Variants in KLHL13 observed in about 807,000 individuals in gnomAD.
The protein encoded by KLHL13 is kelch like family member 13.
Under a neutral mutation model 37.1 loss-of-function variants are expected in KLHL13, and 10 were observed. That is an observed-to-expected ratio of 0.27 (90% confidence interval 0.17 to 0.46). The LOEUF (loss-of-function observed/expected upper bound fraction) is 0.46. KLHL13 is among the 20% of genes least tolerant of loss of function. The pLI, the probability that KLHL13 is intolerant of heterozygous loss-of-function variation, is 1.00. For missense variants in KLHL13, 360 were observed against 509.3 expected (o/e 0.71, Z 2.82); for synonymous variants, 163 against 181.2 (o/e 0.90, Z 0.81).
At chrX:117,902,960 G>A (rs1930196680) in intron 5 of KLHL13, among the ~76,000 whole-genome samples, 1 of 110,674 alleles carries the variant, frequency 9.0e-6, no homozygotes, top group Non-Finnish European at 1.9e-5. Context: ...TGAAGCTTTG[G>A]TCCACCATAT....
intron 5 of KLHL13, among the ~76,000 whole-genome samples, chrX:117,906,818 T>G (rs373163807): frequency 9.0e-6 from 1 of 111,528 alleles, no homozygotes; most frequent in South Asian, 3.7e-4. Flanking sequence ...ATAGATCATT[T>G]CAAATGGAAT....
chrX:118,002,422 A>G (rs1432789051), intron 1 of KLHL13, among the ~76,000 whole-genome samples: 1 of 108,263 alleles, frequency 9.2e-6, no homozygotes, highest in East Asian at 2.9e-4. Context: ...GGAGAAACCC[A>G]GTCTCTACTA....
At chrX:117,985,222 A>G (rs2053709973) in intron 1 of KLHL13, 6 of 1,104,065 alleles carry the variant, frequency 5.4e-6, no homozygotes, top group Non-Finnish European at 7.2e-6. Context: ...TAAATAAAGG[A>G]AAAGAAAGGT....
chrX:118,077,966 A>C (rs2054944852), intron 1 of KLHL13, among the ~76,000 whole-genome samples: 1 of 112,307 alleles, frequency 8.9e-6, no homozygotes, highest in Admixed American at 9.5e-5. Flanking sequence ...TTTTTCCTAG[A>C]AACAGTGGAT....
chrX:118,067,646 C>CT (rs34201692), intron 1 of KLHL13, among the ~76,000 whole-genome samples: 1 of 110,064 alleles, frequency 9.1e-6, no homozygotes, highest in African/African-American at 3.3e-5. Flanking sequence ...ACTTTTTAAA[C>CT]TTTTTTTTAA....
intron 1 of KLHL13, among the ~76,000 whole-genome samples, chrX:118,031,915 A>G (rs1377057229): frequency 9.1e-6 from 1 of 109,713 alleles, no homozygotes; most frequent in African/African-American, 3.3e-5. Context: ...AGGGCAAGAC[A>G]TTGCCTCACT....
intron 1 of KLHL13, among the ~76,000 whole-genome samples, chrX:118,021,108 T>A (rs2054203164): frequency 9.5e-6 from 1 of 105,534 alleles, no homozygotes; most frequent in Non-Finnish European, 2.0e-5. Flanking sequence ...AACCTGCACA[T>A]TGTGCACATG....
intron 2 of KLHL13, among the ~76,000 whole-genome samples, chrX:117,932,220 T>C (rs976388303): frequency 2.7e-5 from 3 of 110,771 alleles, no homozygotes; most frequent in Non-Finnish European, 5.7e-5. Context: ...GTAGCTTTCT[T>C]GAAATATATA....
chrX:118,016,576 G>T (rs2054130715), intron 1 of KLHL13, among the ~76,000 whole-genome samples: 1 of 111,692 alleles, frequency 9.0e-6, no homozygotes, highest in East Asian at 2.8e-4. Context: ...TACAATACAG[G>T]ATATAAAAAT....
At chrX:117,965,536 C>T (rs1238133322) in intron 1 of KLHL13, among the ~76,000 whole-genome samples, 1 of 111,454 alleles carries the variant, frequency 9.0e-6, no homozygotes, top group Non-Finnish European at 1.9e-5. Context: ...AAGAGGGAAT[C>T]CTCCCTAACT....
intron 1 of KLHL13, among the ~76,000 whole-genome samples, chrX:117,987,548 A>G (rs888602221): frequency 8.9e-6 from 1 of 111,870 alleles, no homozygotes; most frequent in Non-Finnish European, 1.9e-5. Flanking sequence ...CCCAGTAAGT[A>G]CGCAAGCTTT....
At chrX:118,100,301 G>A (rs935100747) in intron 1 of KLHL13, among the ~76,000 whole-genome samples, 7 of 111,399 alleles carry the variant, frequency 6.3e-5, no homozygotes, top group East Asian at 2.8e-4. Context: ...CTGCTACCAC[G>A]TTCTCAGTTA....
chrX:117,961,183 C>T (rs1204197751), intron 1 of KLHL13, among the ~76,000 whole-genome samples: 3 of 111,457 alleles, frequency 2.7e-5, no homozygotes, highest in Non-Finnish European at 5.6e-5. Flanking sequence ...TCAACACAAC[C>T]CCAGATTATA....
intron 3 of KLHL13, 99 bp from the exon 5 acceptor site, chrX:117,919,816 T>A (rs1931593631): frequency 3.3e-6 from 2 of 610,515 alleles, no homozygotes; most frequent in Admixed American, 7.1e-5. Context: ...GAAAGTCTTA[T>A]CTTATATAAG....
At chrX:118,082,231 A>G (rs1482848149) in intron 1 of KLHL13, among the ~76,000 whole-genome samples, 1 of 110,830 alleles carries the variant, frequency 9.0e-6, no homozygotes, top group African/African-American at 3.3e-5. Context: ...CTCCACCAAC[A>G]ATATGTAAGT....
intron 1 of KLHL13, among the ~76,000 whole-genome samples, chrX:118,033,404 C>T (rs1602670220): frequency 9.0e-6 from 1 of 111,621 alleles, no homozygotes; most frequent in African/African-American, 3.3e-5. Context: ...TCGGCAGAAA[C>T]TCTACAAGCC....
intron 1 of KLHL13, among the ~76,000 whole-genome samples, chrX:117,961,792 C>T (rs754010572): frequency 1.4e-4 from 15 of 110,927 alleles, no homozygotes; most frequent in South Asian, 7.7e-4. Context: ...CCACAAAGAA[C>T]GGAATTTTGT....
intron 1 of KLHL13, among the ~76,000 whole-genome samples, chrX:118,006,842 G>A (rs2053989298): frequency 9.0e-6 from 1 of 111,680 alleles, no homozygotes; most frequent in African/African-American, 3.2e-5. Context: ...ACAACAGAAA[G>A]GTCAATCAGG....
chrX:117,963,979 G>A (rs1215128924), intron 1 of KLHL13, among the ~76,000 whole-genome samples: 10 of 79,103 alleles, frequency 1.3e-4, no homozygotes, highest in Admixed American at 8.9e-4. Flanking sequence ...ACTCATAGGT[G>A]GGAATTGAAC....
Sources: gnomAD v4.1 joint callset for allele counts (sites outside exome capture counted in the v4.1 genomes callset) on GRCh38, gnomAD v4.1.1 for gene constraint, MANE v1.5 for transcripts, NCBI Gene and HGNC (gene_info 2026-07-23, HGNC 2026-07-21) for gene names.